MAGI1: variants seen among roughly 807,000 people sequenced by gnomAD.
MAGI1 encodes the protein membrane associated guanylate kinase, WW and PDZ domain containing 1.
MAGI1 carries 58 observed loss-of-function variants against 139.9 expected under a neutral mutation model. That is an observed-to-expected ratio of 0.41 (90% CI 0.34 to 0.52). The LOEUF is 0.52. MAGI1 is among the 20% of genes least tolerant of loss of function. MAGI1 has a pLI of 0.12. For synonymous variants in MAGI1, 812 were observed against 737.9 expected (o/e 1.10, Z -1.63); for missense variants, 1,874 against 1,901.6 (o/e 0.99, Z 0.27).
intron 1 of MAGI1, among the ~76,000 whole-genome samples, chr3:66,030,128 C>T (rs1243037723): frequency 3.3e-5 from 5 of 152,168 alleles, no homozygotes; most frequent in Non-Finnish European, 7.3e-5. Flanking sequence ...ACTTGTAAAC[C>T]CATAATACTA....
At chr3:65,425,475 G>A (rs1203448342) in intron 12 of MAGI1, among the ~76,000 whole-genome samples, 1 of 152,020 alleles carries the variant, frequency 6.6e-6, no homozygotes, top group East Asian at 1.9e-4. Context: ...CATAAAATTT[G>A]AGCCAGAATG....
Position 65,375,753 on chromosome 3 carries a change from G to A in MAGI1, c.3188C>T (p.Pro1063Leu). 1.2e-6 allele frequency: 2 copies of A among 1,611,094 alleles called. No individual in the cohort carries two copies. Among genetic ancestry groups the A allele is most frequent in the Non-Finnish European group, 1.7e-6 (2 of 1,177,340 alleles). ...TAATAGGTATACTTTACCATCCCCA[G>A]GAATGATGCGGAGGGTAACTGTGTT... is the stretch of plus-strand genomic sequence containing the variant. ...AGNTVTLRII[P>L]GDESSNATLL... Residue 1063 changes from proline (P) to leucine (L), a missense_variant, in exon 18 of 23, where the codon CCT (proline) becomes CTT (leucine). Pro to Leu is a moderately conservative substitution (Grantham distance 98, BLOSUM62 -3). This residue lies in a region of MAGI1 where 653 missense variants were observed against 644.5 expected (regional missense o/e 1.01). Coordinates refer to ENST00000402939, the MANE Select transcript of MAGI1 (RefSeq NM_001033057.2).
chr3:65,437,431 C>T (rs1335939929), intron 9 of MAGI1, among the ~76,000 whole-genome samples, 184 bp from the exon 10 acceptor site: 4 of 146,026 alleles, frequency 2.7e-5, no homozygotes, highest in South Asian at 2.1e-4. Context: ...TTGTCTAAGA[C>T]GTTTTGGGAA....
At chr3:65,657,699 C>G (rs2085960285) in intron 1 of MAGI1, among the ~76,000 whole-genome samples, 1 of 152,240 alleles carries the variant, frequency 6.6e-6, no homozygotes. Context: ...CTTTACTTGG[C>G]TGCATTCTAA....
At chr3:65,595,288 T>C (rs1001069872) in intron 2 of MAGI1, among the ~76,000 whole-genome samples, 9 of 152,242 alleles carry the variant, frequency 5.9e-5, no homozygotes, top group African/African-American at 1.9e-4. Context: ...TCTGTTCTTA[T>C]ACACAAGAAT....
intron 1 of MAGI1, among the ~76,000 whole-genome samples, chr3:65,913,754 C>G (rs1467429481): frequency 6.6e-6 from 1 of 152,200 alleles, no homozygotes; most frequent in African/African-American, 2.4e-5. Context: ...GAAAACACAG[C>G]AGAAGACAGT....
intron 1 of MAGI1, among the ~76,000 whole-genome samples, chr3:65,702,726 G>A (rs1436824688): frequency 6.6e-6 from 1 of 151,966 alleles, no homozygotes; most frequent in Non-Finnish European, 1.5e-5. Context: ...TACAACCACT[G>A]GTACTTATTT....
intron 2 of MAGI1, among the ~76,000 whole-genome samples, chr3:65,526,986 A>G (rs1234842773): frequency 6.6e-6 from 1 of 152,244 alleles, no homozygotes; most frequent in Non-Finnish European, 1.5e-5. Flanking sequence ...GATACATATA[A>G]AGCAAAGAAA....
At chr3:65,696,275 C>T (rs1178727691) in intron 1 of MAGI1, among the ~76,000 whole-genome samples, 2 of 152,188 alleles carry the variant, frequency 1.3e-5, no homozygotes, top group Admixed American at 6.5e-5. Context: ...CCATCACTTT[C>T]TGCCATTTCA....
At chr3:65,697,457 T>A (rs1327161439) in intron 1 of MAGI1, among the ~76,000 whole-genome samples, 1 of 141,688 alleles carries the variant, frequency 7.1e-6, no homozygotes. Context: ...TTGATGAACA[T>A]TGATGCAAAA....
intron 3 of MAGI1, among the ~76,000 whole-genome samples, chr3:65,489,484 C>T (rs781343459): frequency 3.3e-5 from 5 of 152,054 alleles, no homozygotes; most frequent in East Asian, 1.9e-4. Flanking sequence ...GTTTATAACA[C>T]GACCACCAAA....
intron 1 of MAGI1, among the ~76,000 whole-genome samples, chr3:65,880,908 C>CATGTGTGTGT (rs1553723026): frequency 2.7e-5 from 4 of 145,680 alleles, no homozygotes; most frequent in African/African-American, 7.7e-5. Context: ...ATATCTCTGG[C>CATGTGTGTGT]GTGTGTGTGT....
chr3:65,523,758 C>T (rs111500713), intron 2 of MAGI1, among the ~76,000 whole-genome samples: 14 of 152,302 alleles, frequency 9.2e-5, no homozygotes, highest in Middle Eastern at 3.4e-3. Context: ...CTGGAAATAA[C>T]TGGAAATAGT....
intron 1 of MAGI1, among the ~76,000 whole-genome samples, chr3:65,659,049 T>C (rs976934733): frequency 2.6e-5 from 4 of 152,296 alleles, no homozygotes; most frequent in Non-Finnish European, 4.4e-5. Flanking sequence ...CCTATTTTTA[T>C]TCCTATTTTA....
intron 10 of MAGI1, among the ~76,000 whole-genome samples, chr3:65,435,245 T>C (rs942102204): frequency 2.0e-5 from 3 of 148,416 alleles, no homozygotes; most frequent in Non-Finnish European, 4.4e-5. Flanking sequence ...GGAAGAGATA[T>C]AAGGAAATAA....
intron 1 of MAGI1, among the ~76,000 whole-genome samples, chr3:65,775,293 A>G (rs565296116): frequency 6.6e-6 from 1 of 151,904 alleles, no homozygotes; most frequent in African/African-American, 2.4e-5. Flanking sequence ...AAAAAAATAC[A>G]AAAAAATTTG....
chr3:66,038,556 T>G lies in MAGI1; in HGVS notation c.-248A>C, dbSNP rs1214994451. 2 of 474,362 alleles carry G rather than the reference T, an allele frequency of 4.2e-6. No homozygotes were observed. The highest frequency in any genetic ancestry group is 7.2e-6 in the Non-Finnish European group (2 of 278,668). The allele number at this position is 474,362 out of a possible 1,614,324, so 29.4% of individuals were successfully genotyped here. On this transcript the variant is annotated 5_prime_UTR_variant, in exon 1 of 23. Transcript: ENST00000402939. Reference sequence around the variant, plus strand: ...CGAGCTTTGTTTGCATTCCGGTGCCTCTGGGTCCACGTTCCGGCGCCCGCC... The same window carrying G: ...CGAGCTTTGTTTGCATTCCGGTGCCGCTGGGTCCACGTTCCGGCGCCCGCC...
chr3:65,797,927 G>A (rs912902140), intron 1 of MAGI1, among the ~76,000 whole-genome samples: 1 of 152,034 alleles, frequency 6.6e-6, no homozygotes, highest in African/African-American at 2.4e-5. Flanking sequence ...TACTGTTTAT[G>A]GGCATTACAG....
chr3:65,405,233 C>T (rs1222703967), intron 12 of MAGI1, among the ~76,000 whole-genome samples: 2 of 152,084 alleles, frequency 1.3e-5, no homozygotes, highest in Non-Finnish European at 2.9e-5. Flanking sequence ...TTGGAAAAAA[C>T]GAATGGCAAA....
Sources: allele counts gnomAD v4.1 joint callset (sites outside exome capture counted in the v4.1 genomes callset), GRCh38; gene constraint gnomAD v4.1.1; regional missense constraint gnomAD v4.1.1; transcripts MANE v1.5; gene names NCBI Gene and HGNC (gene_info 2026-07-23, HGNC 2026-07-21).